CDH23: variants seen among roughly 807,000 people sequenced by gnomAD.
CDH23 encodes the protein cadherin-23.
A neutral mutation model predicts 317.1 loss-of-function variants in CDH23; 189 were observed. The ratio of observed to expected loss-of-function variants is 0.60; its 90% CI spans 0.53 to 0.67. CDH23 has a LOEUF of 0.67. CDH23 is among the 30% of genes least tolerant of loss of function. The pLI is 0.00. For missense variants in CDH23, 4,401 were observed against 4,592.4 expected, an observed-to-expected ratio of 0.96 and a Z score of 1.20; for synonymous variants, 1,839 against 1,876.8, an observed-to-expected ratio of 0.98 and a Z score of 0.52.
intron 66 of CDH23, 44 bp from the exon 67 acceptor site, chr10:71,812,436 C>T (rs771610521): frequency 4.3e-6 from 7 of 1,611,210 alleles, no homozygotes; most frequent in South Asian, 1.1e-5. Flanking sequence ...CCTGTCTACT[C>T]GAGCCTTCCC....
intron 38 of CDH23, chr10:71,755,170 C>T (rs1156754965): frequency 1.0e-5 from 7 of 686,574 alleles, no homozygotes; most frequent in Non-Finnish European, 1.0e-5. Flanking sequence ...ACTTGGCCCC[C>T]GGAAATGGCA....
rs552566694 is a variant in CDH23 at position 71,607,609 on chromosome 10, G to A, written c.833-7895G>A. ...TAGCTTGCTCTGAGTCTACTATTCC[G>A]AAAACAGGTATGGCCAGGTGTGGTG... is the stretch of plus-strand genomic sequence containing the variant. On this transcript the variant is annotated intron_variant, in intron 9 of 69. Coordinates refer to ENST00000224721, the MANE Select transcript of CDH23 (RefSeq NM_022124.6). 3.3e-5 allele frequency among the ~76,000 whole-genome samples: 5 copies of A among 152,300 alleles called. No homozygotes were observed. In the East Asian group the frequency reaches 5.8e-4, roughly 18 times the overall value.
At chr10:71,426,305 G>A (rs1242380113) in intron 1 of CDH23, among the ~76,000 whole-genome samples, 1 of 152,214 alleles carries the variant, frequency 6.6e-6, no homozygotes, top group Non-Finnish European at 1.5e-5. Flanking sequence ...TCAGAGGGGG[G>A]CCAGGACTTT....
At chr10:71,745,524 C>T (rs1028988455) in intron 38 of CDH23, among the ~76,000 whole-genome samples, 26 of 152,176 alleles carry the variant, frequency 1.7e-4, no homozygotes, top group African/African-American at 6.3e-4. Context: ...CCTCTACTGC[C>T]TCCATGCCTG....
At position 71,815,078 on chromosome 10, in the gene CDH23, A is replaced by G. The variant is rs375712395; in HGVS notation, c.9865A>G (p.Thr3289Ala). Residue 3289 changes from threonine (T) to alanine (A), a missense_variant, in exon 70 of 70, where the codon ACG (threonine) becomes GCG (alanine). Physicochemically the swap from Thr to Ala is moderately conservative, Grantham distance 58. Around this residue, in one of 3 missense-constraint regions of CDH23, gnomAD observed 1,144 missense variants for 1,138.2 expected, o/e 1.01. Transcript: ENST00000224721. The part of the protein sequence containing the change: ...PDGIHVVHGS[T>A]GTLLATDLNS... ...TGGGATCCATGTGGTGCACGGCAGC[A>G]CGGGCACGCTGCTGGCCACCGACCT... is the stretch of plus-strand genomic sequence containing the variant. The G allele has an allele frequency of 2.1e-5, 34 of 1,611,578 alleles. No homozygotes were observed. The African/African-American group carries it at 4.5e-4, about 21-fold the overall frequency.
intron 6 of CDH23, among the ~76,000 whole-genome samples, chr10:71,545,917 G>A (rs1242137162): frequency 6.6e-6 from 1 of 152,158 alleles, no homozygotes; most frequent in African/African-American, 2.4e-5. Context: ...GGAGTGACGG[G>A]CAATGCCAGG....
chr10:71,612,918 G>A (rs1375513172), intron 9 of CDH23, among the ~76,000 whole-genome samples: 1 of 151,908 alleles, frequency 6.6e-6, no homozygotes, highest in Non-Finnish European at 1.5e-5. Flanking sequence ...GTGTGATCTC[G>A]GCTCACTGCA....
At chr10:71,733,285 C>T (rs1489673390) in intron 32 of CDH23, among the ~76,000 whole-genome samples, 1 of 152,210 alleles carries the variant, frequency 6.6e-6, no homozygotes, top group African/African-American at 2.4e-5. Flanking sequence ...GGACATGCCA[C>T]CCTCCAGGCA....
chr10:71,443,431 C>T (rs1055364972), intron 2 of CDH23, among the ~76,000 whole-genome samples: 1 of 152,236 alleles, frequency 6.6e-6, no homozygotes, highest in African/African-American at 2.4e-5. Context: ...GTGGGAAATG[C>T]TTGTCATTCA....
rs773015477 is a variant in CDH23 at position 71,712,821 on chromosome 10, G to A, written c.3369+8G>A. The A allele has an allele frequency of 1.9e-6, 3 of 1,609,480 alleles. No individual in the cohort carries two copies. The Admixed American group carries it at 5.0e-5, about 27-fold the overall frequency. ...GGCCACAGCATCTTGCAGGCAGGTG[G>A]CCCGTGGCCTCTGGGGCAGGTGGTG... is the stretch of plus-strand genomic sequence containing the variant. On this transcript the variant is annotated splice_region_variant and intron_variant, in intron 28 of 69. Coordinates refer to ENST00000224721, the MANE Select transcript of CDH23 (RefSeq NM_022124.6).
At chr10:71,483,280 G>A (rs1852167209) in intron 3 of CDH23, among the ~76,000 whole-genome samples, 1 of 152,208 alleles carries the variant, frequency 6.6e-6, no homozygotes, top group Non-Finnish European at 1.5e-5. Context: ...TATCCAGCAT[G>A]GGACACCCAA....
intron 55 of CDH23, among the ~76,000 whole-genome samples, chr10:71,805,383 C>A (rs1381923418): frequency 6.6e-6 from 1 of 152,156 alleles, no homozygotes; most frequent in Non-Finnish European, 1.5e-5. Context: ...TGGGGACACC[C>A]AGAATTCCTG....
chr10:71,583,706 C>T (rs904395688), intron 9 of CDH23, among the ~76,000 whole-genome samples: 1 of 152,182 alleles, frequency 6.6e-6, no homozygotes, highest in African/African-American at 2.4e-5. Flanking sequence ...AGGACCATCC[C>T]CGAGTGACGG....
intron 6 of CDH23, among the ~76,000 whole-genome samples, chr10:71,551,150 G>A (rs928777497): frequency 1.1e-4 from 17 of 152,234 alleles, no homozygotes; most frequent in Admixed American, 9.2e-4. Flanking sequence ...GAGGACTTCC[G>A]TCGAAATTCC....
intron 1 of CDH23, among the ~76,000 whole-genome samples, chr10:71,424,966 G>A (rs937024519): frequency 5.9e-5 from 9 of 152,174 alleles, no homozygotes; most frequent in Admixed American, 2.0e-4. Flanking sequence ...AAGCGAAGGC[G>A]GAAGCTGTGT....
At chr10:71,547,510 TG>T (rs1856348949) in intron 6 of CDH23, among the ~76,000 whole-genome samples, 2 of 152,246 alleles carry the variant, frequency 1.3e-5, no homozygotes, top group Non-Finnish European at 2.9e-5. Context: ...GAAGCCACTG[TG>T]GAGTTACTGG....
chr10:71,527,243 C>T (rs1855092773), intron 6 of CDH23, among the ~76,000 whole-genome samples: 1 of 152,264 alleles, frequency 6.6e-6, no homozygotes, highest in Non-Finnish European at 1.5e-5. Flanking sequence ...CGTGCACACA[C>T]CTCAGTTGCC....
rs74381769 is a variant in CDH23, at chr10:71,650,042, A to G, written c.1449+3425A>G. On this transcript the variant is annotated intron_variant, in intron 14 of 69. Transcript: ENST00000224721. The stretch of plus-strand genomic sequence containing the variant: ...ACCACTGAGCCTAGTCCTTTCAGCA[A>G]CCTTCAGAGCTGAGGGTAAAGAGAG... Among the ~76,000 whole-genome samples the G allele has an allele frequency of 8.8e-3, 1,338 of 152,300 alleles. 25 individuals carry two copies. Among genetic ancestry groups the G allele is most frequent in the African/African-American group, 0.031 (1,284 of 41,570 alleles).
At chr10:71,398,476 T>TGTGTGTGTGTGTG (rs56791543) in intron 1 of CDH23, among the ~76,000 whole-genome samples, 2 of 118,340 alleles carry the variant, frequency 1.7e-5, no homozygotes, top group Non-Finnish European at 1.7e-5. Flanking sequence ...TGTGTGTGTG[T>TGTGTGTGTGTGTG]TGGGTGGAGT....
Sources: gnomAD v4.1 joint callset for allele counts (sites outside exome capture counted in the v4.1 genomes callset) on GRCh38, gnomAD v4.1.1 for gene constraint, gnomAD v4.1.1 regional missense constraint, MANE v1.5 for transcripts, NCBI Gene and HGNC (gene_info 2026-07-23, HGNC 2026-07-21) for gene names.